USO1: variants seen among roughly 807,000 people sequenced by gnomAD.
USO1 encodes the protein general vesicular transport factor p115.
Under a neutral mutation model 124.5 loss-of-function variants are expected in USO1, and 57 were observed. That is an observed-to-expected ratio of 0.46 (90% CI 0.37 to 0.57). The LOEUF (loss-of-function observed/expected upper bound fraction) is 0.57. Ranked by LOEUF, USO1 falls within the 20% of genes least tolerant of loss-of-function variation. USO1 has a pLI of 0.00. For missense variants in USO1, 900 were observed against 1,040.6 expected, an observed-to-expected ratio of 0.86 and a Z score of 1.86; for synonymous variants, 369 against 362.8, an observed-to-expected ratio of 1.02 and a Z score of -0.19.
chr4:75,755,669 C>T (rs377531925), intron 3 of USO1, among the ~76,000 whole-genome samples: 10 of 152,188 alleles, frequency 6.6e-5, no homozygotes, highest in South Asian at 4.2e-4. Flanking sequence ...TTTGAATAAG[C>T]GAATTGGATG....
At chr4:75,747,632 T>G (rs528004111) in intron 1 of USO1, among the ~76,000 whole-genome samples, 1 of 133,802 alleles carries the variant, frequency 7.5e-6, no homozygotes, top group East Asian at 2.1e-4. Context: ...TTTTTTGAGA[T>G]GGAGTCTCGC....
chr4:75,753,620 A>T (rs1161766167), intron 3 of USO1, among the ~76,000 whole-genome samples: 4 of 152,088 alleles, frequency 2.6e-5, no homozygotes, highest in African/African-American at 4.8e-5. Context: ...CGGGAGGCTG[A>T]GGTGGGAGGA....
At chr4:75,738,564 A>C (rs1386540818) in intron 1 of USO1, among the ~76,000 whole-genome samples, 4 of 152,020 alleles carry the variant, frequency 2.6e-5, no homozygotes, top group African/African-American at 9.7e-5. Flanking sequence ...AGTGGCTTCA[A>C]CCTCCTGGCT....
At chr4:75,764,905 G>A (rs1721724162) in intron 4 of USO1, among the ~76,000 whole-genome samples, 1 of 152,098 alleles carries the variant, frequency 6.6e-6, no homozygotes, top group South Asian at 2.1e-4. Context: ...ACAGGCAGCT[G>A]GAGTTGAGTA....
chr4:75,771,130 G>A lies in USO1; in HGVS notation c.548G>A (p.Arg183His), dbSNP rs866967051. The change falls in exon 7 of 24, where the codon CGT (arginine) becomes CAT (histidine). Residue 183 changes from arginine (R) to histidine (H), a missense_variant. Transcript: ENST00000514213. ...CTAGCGGATTCCAGGGAAGTTATAC[G>A]TAATGATGTAAGTTAAATTTCAAAA... ...DLLADSREVIRNDGVLLLQAL... is the reference protein window; with the variant it reads ...DLLADSREVIHNDGVLLLQAL... 31 of 1,606,618 alleles carry A rather than the reference G, an allele frequency of 1.9e-5. No homozygotes were observed. Among genetic ancestry groups the A allele is most frequent in the Non-Finnish European group, 2.6e-5 (31 of 1,177,574 alleles).
At chr4:75,795,325 A>G (rs957103129) in intron 13 of USO1, 5 of 702,302 alleles carry the variant, frequency 7.1e-6, no homozygotes, top group African/African-American at 3.5e-5. Context: ...TTTGTAATGT[A>G]TAATTTGCAG....
At chr4:75,753,221 C>T (rs1248178170) in intron 3 of USO1, among the ~76,000 whole-genome samples, 2 of 151,814 alleles carry the variant, frequency 1.3e-5, no homozygotes, top group Non-Finnish European at 2.9e-5. Context: ...GAGTTCGATA[C>T]TAGCCTGGGC....
In USO1 at chr4:75,813,946, G is replaced by A. The variant is rs1321783184; in HGVS notation, c.*651G>A. The A allele has an allele frequency of 6.6e-6, 1 of 152,202 alleles. No homozygotes were observed. Among genetic ancestry groups the A allele is most frequent in the African/African-American group, 2.4e-5 (1 of 41,444 alleles). The allele number at this position is 152,202 out of a possible 1,614,324, so 9.4% of individuals were successfully genotyped here. On this transcript the variant is annotated 3_prime_UTR_variant, in exon 24 of 24. Transcript: ENST00000514213. ...ATTCCGGAGAAACTTTTGCAACAGTGTATTAATGTGATTGGTTTTCTTTTT... is the reference window on the plus strand; with the variant it reads ...ATTCCGGAGAAACTTTTGCAACAGTATATTAATGTGATTGGTTTTCTTTTT...
At chr4:75,750,058 T>A (rs1264471686) in intron 1 of USO1, among the ~76,000 whole-genome samples, 1 of 152,164 alleles carries the variant, frequency 6.6e-6, no homozygotes, top group African/African-American at 2.4e-5. Flanking sequence ...CGGCCTAAAC[T>A]ATGTTCTTCA....
intron 16 of USO1, 115 bp from the exon 17 acceptor site, chr4:75,800,964 G>C: frequency 7.2e-7 from 1 of 1,388,472 alleles, no homozygotes; most frequent in Non-Finnish European, 9.6e-7. Flanking sequence ...CAGTAGGATT[G>C]AAAAGATTAT....
intron 4 of USO1, among the ~76,000 whole-genome samples, chr4:75,765,270 T>A (rs888023262): frequency 6.6e-6 from 1 of 152,182 alleles, no homozygotes; most frequent in Non-Finnish European, 1.5e-5. Context: ...TTATTTGACA[T>A]GCATTCCCAA....
At chr4:75,761,279 G>A (rs1301899922) in intron 4 of USO1, among the ~76,000 whole-genome samples, 1 of 152,198 alleles carries the variant, frequency 6.6e-6, no homozygotes. Context: ...AAGTGCAGTG[G>A]TGCATGCCTG....
At chr4:75,735,195 G>GTC (rs1720754157) in intron 1 of USO1, among the ~76,000 whole-genome samples, 1 of 152,086 alleles carries the variant, frequency 6.6e-6, no homozygotes, top group Admixed American at 6.6e-5. Flanking sequence ...CTGTCTGTCT[G>GTC]TCTAGGGTAA....
chr4:75,789,422 C>A (rs1470604399), intron 10 of USO1, among the ~76,000 whole-genome samples: 1 of 152,126 alleles, frequency 6.6e-6, no homozygotes, highest in East Asian at 1.9e-4. Flanking sequence ...GGATTATAGG[C>A]ACACCACCTT....
intron 3 of USO1, among the ~76,000 whole-genome samples, chr4:75,757,021 G>C (rs1476502326): frequency 6.6e-6 from 1 of 151,618 alleles, no homozygotes; most frequent in African/African-American, 2.4e-5. Context: ...TGCTAGTTTT[G>C]CTGGTTTTAA....
At chr4:75,777,192 A>G (rs912649625) in intron 8 of USO1, among the ~76,000 whole-genome samples, 1 of 152,300 alleles carries the variant, frequency 6.6e-6, no homozygotes, top group Non-Finnish European at 1.5e-5. Flanking sequence ...TTTAATTTTC[A>G]GCAAAATAAC....
intron 1 of USO1, among the ~76,000 whole-genome samples, chr4:75,750,075 G>A (rs1721261952): frequency 6.6e-6 from 1 of 152,160 alleles, no homozygotes; most frequent in Admixed American, 6.5e-5. Flanking sequence ...TTCATCAGAT[G>A]TTTTCCAAAT....
intron 4 of USO1, among the ~76,000 whole-genome samples, chr4:75,763,974 C>T (rs1334333426): frequency 1.3e-5 from 2 of 152,068 alleles, no homozygotes; most frequent in Non-Finnish European, 2.9e-5. Context: ...TTTGGGGATA[C>T]TTCATTAAAG....
chr4:75,783,087 C>T (rs1241760595), intron 9 of USO1, among the ~76,000 whole-genome samples: 1 of 152,056 alleles, frequency 6.6e-6, no homozygotes, highest in Admixed American at 6.6e-5. Context: ...TCGTTTATTC[C>T]TCTCTGCTGT....
Sources: gnomAD v4.1 joint callset for allele counts (sites outside exome capture counted in the v4.1 genomes callset) on GRCh38, gnomAD v4.1.1 for gene constraint, MANE v1.5 for transcripts, NCBI Gene and HGNC (gene_info 2026-07-23, HGNC 2026-07-21) for gene names.